AXDND1: variants seen among roughly 807,000 people sequenced by gnomAD.
AXDND1 encodes the protein axonemal dynein light chain domain containing 1, also known as axonemal dynein light chain domain-containing protein 1.
A neutral mutation model predicts 137.5 loss-of-function variants in AXDND1; 110 were observed. That is an observed-to-expected ratio of 0.80 (90% confidence interval 0.69 to 0.94). AXDND1 has a LOEUF of 0.94. AXDND1 is among the 40% of genes least tolerant of loss of function. AXDND1 has a pLI of 0.00. For missense variants in AXDND1, 1,191 were observed against 1,169.8 expected (o/e 1.02, Z -0.26); for synonymous variants, 414 against 399.7 (o/e 1.04, Z -0.43).
In AXDND1 at chr1:179,534,971, T is replaced by C. The variant is rs1671391035; in HGVS notation, c.3031+9T>C. The C allele has an allele frequency of 6.2e-7, 1 of 1,606,438 alleles. No homozygotes were observed. Among genetic ancestry groups the C allele is most frequent in the Non-Finnish European group, 8.5e-7 (1 of 1,178,210 alleles). ...AAAATCTCCAAAGAAAGGTAAGGAT[T>C]GCTTCGTATTTTGCTTTATTCAGGT... On this transcript the variant is annotated intron_variant, in intron 25 of 25. Coordinates refer to ENST00000367618, the MANE Select transcript of AXDND1 (RefSeq NM_144696.6).
chr1:179,438,707 T>C (rs1028909891), intron 15 of AXDND1, among the ~76,000 whole-genome samples: 1 of 152,176 alleles, frequency 6.6e-6, no homozygotes, highest in Non-Finnish European at 1.5e-5. Context: ...AGGGATATTA[T>C]GTGTTTGCAA....
rs377631996 is a variant in AXDND1, at chr1:179,368,839, G to A, written c.137G>A (p.Arg46His). The A allele has an allele frequency of 3.2e-5, 51 of 1,613,652 alleles. No individual in the cohort carries two copies. In the South Asian group the frequency reaches 4.3e-4, roughly 14 times the overall value. Residue 46 changes from arginine (R) to histidine (H), a missense_variant, in exon 3 of 26, where the codon CGT becomes CAT. Transcript: ENST00000367618. ...ELKEKKNMVD[R>H]SKLLPTSLQN... ...AAGGAGAAAAAAAATATGGTGGATC[G>A]TTCAAAACTCCTTCCTACTTCCCTT...
intron 21 of AXDND1, among the ~76,000 whole-genome samples, chr1:179,522,190 C>G (rs965766514): frequency 6.6e-6 from 1 of 152,134 alleles, no homozygotes; most frequent in Non-Finnish European, 1.5e-5. Context: ...CTCTATTTCT[C>G]TGCATTGCAT....
intron 17 of AXDND1, among the ~76,000 whole-genome samples, chr1:179,470,736 C>A (rs977643999): frequency 6.6e-6 from 1 of 151,996 alleles, no homozygotes; most frequent in Non-Finnish European, 1.5e-5. Context: ...CAAGTAGTTT[C>A]TTTTTAATCT....
chr1:179,437,954 C>G (rs901241790), intron 15 of AXDND1, among the ~76,000 whole-genome samples: 4 of 152,088 alleles, frequency 2.6e-5, no homozygotes, highest in African/African-American at 9.7e-5. Flanking sequence ...GAGTTCAAGA[C>G]CAGCCTGACC....
chr1:179,552,320 G>C (rs1673403943), intron 25 of AXDND1: 1 of 497,926 alleles, frequency 2.0e-6, no homozygotes, highest in Non-Finnish European at 3.7e-6. Flanking sequence ...CTAGAGAAGA[G>C]GGATTGATGT....
intron 20 of AXDND1, among the ~76,000 whole-genome samples, chr1:179,497,351 T>G (rs1667543056): frequency 6.6e-6 from 1 of 152,144 alleles, no homozygotes; most frequent in Admixed American, 6.6e-5. Context: ...AGCTATGTTA[T>G]TAGGTGCAAA....
intron 6 of AXDND1, among the ~76,000 whole-genome samples, chr1:179,382,270 G>A (rs1489146250): frequency 2.0e-5 from 3 of 151,572 alleles, no homozygotes; most frequent in Admixed American, 6.6e-5. Flanking sequence ...TAGTAGAGAC[G>A]GGGCTTCATC....
intron 15 of AXDND1, among the ~76,000 whole-genome samples, chr1:179,432,730 C>G (rs1014650765): frequency 1.3e-5 from 2 of 152,024 alleles, no homozygotes; most frequent in Non-Finnish European, 2.9e-5. Flanking sequence ...CCGACCACAT[C>G]TCATTCTTTA....
intron 12 of AXDND1, among the ~76,000 whole-genome samples, chr1:179,418,688 C>T (rs951554667): frequency 6.6e-6 from 1 of 151,286 alleles, no homozygotes; most frequent in Non-Finnish European, 1.5e-5. Flanking sequence ...CACCTCCCTC[C>T]CGGACGGGGC....
intron 20 of AXDND1, among the ~76,000 whole-genome samples, chr1:179,508,034 A>C (rs1219217448): frequency 6.6e-6 from 1 of 152,152 alleles, no homozygotes; most frequent in African/African-American, 2.4e-5. Context: ...GATTTCTAAA[A>C]TTTTTGGCTC....
chr1:179,552,581 G>A (rs760070687), intron 25 of AXDND1: 1 of 1,603,716 alleles, frequency 6.2e-7, no homozygotes, highest in Non-Finnish European at 8.5e-7. Flanking sequence ...GGGCAGTCTG[G>A]GTGGGAGGAT....
Position 179,395,175 on chromosome 1 carries a change from C to T in AXDND1, c.1082C>T (p.Ala361Val). The T allele has an allele frequency of 6.2e-7, 1 of 1,613,288 alleles. No individual in the cohort carries two copies. Among genetic ancestry groups the T allele is most frequent in the Non-Finnish European group, 8.5e-7 (1 of 1,179,674 alleles). Residue 361 changes from alanine to valine, a missense_variant, in exon 11 of 26, where the codon GCT (alanine) becomes GTT (valine). Transcript: ENST00000367618. ...AAAGCCCACAAGGATTTGGCACAAG[C>T]TCTTTTAAATGCGGAAAAGAATGCC... ...TEKAHKDLAQ[A>V]LLNAEKNAKI...
chr1:179,532,898 G>GAATAAATAAATAAATA (rs56682509), intron 23 of AXDND1: 2 of 148,222 alleles, frequency 1.3e-5, no homozygotes, highest in East Asian at 2.0e-4. Context: ...AAAAGAAAAA[G>GAATAAATAAATAAATA]AATAAATAAA....
At chr1:179,371,257 G>C (rs1413827008) in intron 4 of AXDND1, among the ~76,000 whole-genome samples, 1 of 151,916 alleles carries the variant, frequency 6.6e-6, no homozygotes, top group Non-Finnish European at 1.5e-5. Flanking sequence ...GTGAAACCCT[G>C]TCACTACAAA....
At chr1:179,478,015 C>G (rs1462479994) in intron 17 of AXDND1, among the ~76,000 whole-genome samples, 1 of 152,186 alleles carries the variant, frequency 6.6e-6, no homozygotes, top group African/African-American at 2.4e-5. Flanking sequence ...CCTTTGACTC[C>G]ATGTCTCACA....
chr1:179,525,320 G>T lies in AXDND1; in HGVS notation c.2497-14G>T. On this transcript the variant is annotated splice_polypyrimidine_tract_variant and intron_variant, in intron 21 of 25. Transcript: ENST00000367618. ...ATATACACCCTTTAATCATAATATT[G>T]GTTCATCTCACAGGAGGCTGTAAAA... 6.3e-7 allele frequency: 1 copy of T among 1,599,028 alleles called. No individual in the cohort carries two copies. Among genetic ancestry groups the T allele is most frequent in the Non-Finnish European group, 8.5e-7 (1 of 1,173,824 alleles).
chr1:179,533,634 T>C (rs1239517207), intron 23 of AXDND1, among the ~76,000 whole-genome samples, 161 bp from the exon 24 acceptor site: 1 of 151,900 alleles, frequency 6.6e-6, no homozygotes. Flanking sequence ...CCCTTTTTTT[T>C]TTTTTTTTTT....
intron 16 of AXDND1, chr1:179,448,124 A>G (rs1660002038): frequency 1.1e-6 from 1 of 936,070 alleles, no homozygotes; most frequent in Non-Finnish European, 1.8e-6. Flanking sequence ...TTTCTTCTGT[A>G]TATGGAGTTA....
Sources: gnomAD v4.1 joint callset for allele counts (sites outside exome capture counted in the v4.1 genomes callset) on GRCh38, gnomAD v4.1.1 for gene constraint, MANE v1.5 for transcripts, NCBI Gene and HGNC (gene_info 2026-07-23, HGNC 2026-07-21) for gene names.